Variants in ACP3 observed in about 807,000 individuals in gnomAD.
The protein encoded by ACP3 is prostatic acid phosphatase.
Under a neutral mutation model 45.6 loss-of-function variants are expected in ACP3, and 38 were observed. The observed-to-expected ratio is 0.83, with a 90% CI of 0.64 to 1.09. ACP3 has a LOEUF of 1.09. Among genes scored for constraint, ACP3 ranks in the 50% least tolerant of loss-of-function variants. ACP3 has a pLI of 0.00. For missense variants in ACP3, 466 were observed against 463.2 expected, an observed-to-expected ratio of 1.01 and a Z score of -0.05; for synonymous variants, 162 against 164.7, an observed-to-expected ratio of 0.98 and a Z score of 0.13.
intron 1 of ACP3, among the ~76,000 whole-genome samples, chr3:132,326,123 G>C (rs1396280570): frequency 2.6e-5 from 4 of 152,028 alleles, no homozygotes; most frequent in Non-Finnish European, 5.9e-5. Context: ...GCCTTTTTCA[G>C]TTGTCACAGC....
intron 9 of ACP3, among the ~76,000 whole-genome samples, chr3:132,354,966 T>C (rs1937846294): frequency 6.6e-6 from 1 of 152,246 alleles, no homozygotes; most frequent in South Asian, 2.1e-4. Context: ...TTGTCTTCTA[T>C]ATAGATGAAC....
At chr3:132,351,441 C>T (rs1366912639) in intron 8 of ACP3, among the ~76,000 whole-genome samples, 3 of 152,182 alleles carry the variant, frequency 2.0e-5, no homozygotes, top group Admixed American at 2.0e-4. Flanking sequence ...TCACTCACAT[C>T]TCCATGACAA....
chr3:132,358,713 G>A lies in ACP3; in HGVS notation c.*1835G>A. On this transcript the variant is annotated 3_prime_UTR_variant, in exon 10 of 10. Transcript: ENST00000336375. ...ATGCTTGTAACTGTCTTCTAGCAGT[G>A]AGCCAAATGTAAAATAGTGAATAAA... 1 of 1,001,414 alleles carries A rather than the reference G, an allele frequency of 1.0e-6. No homozygotes were observed. Among genetic ancestry groups the A allele is most frequent in the Non-Finnish European group, 1.2e-6 (1 of 838,436 alleles). 62.0% of individuals were successfully genotyped at this position (1,001,414 alleles called of 1,614,324 possible).
intron 8 of ACP3, among the ~76,000 whole-genome samples, chr3:132,351,204 G>T (rs570508594): frequency 2.0e-5 from 3 of 152,062 alleles, no homozygotes; most frequent in Non-Finnish European, 4.4e-5. Flanking sequence ...GGAAAGGGAA[G>T]AAGGACTGCA....
At chr3:132,362,380 G>A (rs913278519), downstream of ACP3, among the ~76,000 whole-genome samples, 6 of 152,038 alleles carry the variant, frequency 3.9e-5, no homozygotes, top group Non-Finnish European at 7.4e-5. Flanking sequence ...AGGATTGGTG[G>A]GTCAAGATAA....
chr3:132,351,126 G>A (rs58613858), intron 8 of ACP3, among the ~76,000 whole-genome samples: 72,325 of 151,944 alleles, frequency 0.48, 17,997 homozygotes, highest in Middle Eastern at 0.65. Flanking sequence ...TACTGATTAG[G>A]CAATGGGTTT....
chr3:132,330,730 G>A (rs1012627138), intron 2 of ACP3, among the ~76,000 whole-genome samples: 2 of 152,140 alleles, frequency 1.3e-5, no homozygotes, highest in African/African-American at 4.8e-5. Context: ...AGCAGCCACC[G>A]TAACAACCTC....
At chr3:132,355,319 A>G (rs968371227) in intron 9 of ACP3, among the ~76,000 whole-genome samples, 2 of 152,210 alleles carry the variant, frequency 1.3e-5, no homozygotes, top group African/African-American at 2.4e-5. Flanking sequence ...ATTCAATTCT[A>G]TGGAAAGAGA....
downstream of ACP3, among the ~76,000 whole-genome samples, chr3:132,361,031 C>T (rs528221667): frequency 2.6e-5 from 4 of 152,294 alleles, no homozygotes; most frequent in Non-Finnish European, 5.9e-5. Flanking sequence ...ATGAATGAGC[C>T]TCAAAAGTGA....
At chr3:132,328,707 C>G (rs970747113) in intron 2 of ACP3, among the ~76,000 whole-genome samples, 2 of 131,938 alleles carry the variant, frequency 1.5e-5, no homozygotes, top group Admixed American at 7.7e-5. Context: ...AAAAAAGATT[C>G]TTGATGAGTC....
rs754461064 is a variant in ACP3 at position 132,356,682 on chromosome 3, C to T, written c.969-4C>T. On this transcript the variant is annotated splice_polypyrimidine_tract_variant and splice_region_variant and intron_variant, in intron 9 of 9. Transcript: ENST00000336375. The stretch of plus-strand genomic sequence containing the variant: ...GAGCTCTCTCCTCTGCCTTTGTCTG[C>T]CAGGGAGTACTTTGTGGAGATGTAC... The T allele has an allele frequency of 1.2e-6, 2 of 1,613,760 alleles. No homozygotes were observed. The highest frequency in any genetic ancestry group is 1.7e-5 in the Admixed American group (1 of 59,992).
chr3:132,326,818 C>T (rs1180666573), intron 1 of ACP3, among the ~76,000 whole-genome samples: 1 of 152,120 alleles, frequency 6.6e-6, no homozygotes, highest in Non-Finnish European at 1.5e-5. Flanking sequence ...AGTACAGGTG[C>T]GGGTAACCTC....
At position 132,356,861 on chromosome 3, in the gene ACP3, G is replaced by A; in HGVS notation, c.1144G>A (p.Glu382Lys). 6.2e-7 allele frequency: 1 copy of A among 1,614,116 alleles called. No individual in the cohort carries two copies. Among genetic ancestry groups the A allele is most frequent in the Non-Finnish European group, 8.5e-7 (1 of 1,180,018 alleles). Residue 382 changes from glutamate to lysine, a missense_variant, in exon 10 of 10, where the codon GAA (glutamate) becomes AAA (lysine). Glu to Lys is a moderately conservative substitution (Grantham distance 56). Transcript: ENST00000336375. The stretch of plus-strand genomic sequence containing the variant: ...GACCACAAACAGCCATCAAGGTACT[G>A]AAGACAGTACAGATTAGTGTGCACA... Reference protein sequence around the residue: ...CMTTNSHQGTEDSTD With the variant: ...CMTTNSHQGTKDSTD
Position 132,357,832 on chromosome 3 carries a change from A to C in ACP3, c.*954A>C. 3 of 698,382 alleles carry C rather than the reference A, an allele frequency of 4.3e-6. No homozygotes were observed. Among genetic ancestry groups the C allele is most frequent in the Middle Eastern group, 7.2e-4 (1 of 1,380 alleles). 43.3% of individuals were successfully genotyped at this position (698,382 alleles called of 1,614,324 possible). A position where few individuals can be genotyped will look rare whatever the true frequency, so the allele number is the denominator to read the frequency against. On this transcript the variant is annotated 3_prime_UTR_variant, in exon 10 of 10. Transcript: ENST00000336375. ...GCAGATCACTTGAGCTCAGGAGGTC[A>C]AGATCAGCCTGGGCAACATGGTGAA...
intron 2 of ACP3, among the ~76,000 whole-genome samples, chr3:132,330,541 C>T (rs933699626): frequency 2.2e-4 from 34 of 152,264 alleles, no homozygotes; most frequent in African/African-American, 6.5e-4. Context: ...TTCATACAGA[C>T]GACTATTTAA....
chr3:132,359,469 C>G (rs1031202186), downstream of ACP3, among the ~76,000 whole-genome samples: 6 of 152,238 alleles, frequency 3.9e-5, no homozygotes, highest in East Asian at 1.2e-3. Context: ...GATCGCGCCA[C>G]TGCACTCCAG....
intron 1 of ACP3, among the ~76,000 whole-genome samples, chr3:132,323,691 T>G (rs535927922): frequency 3.9e-5 from 6 of 152,226 alleles, no homozygotes; most frequent in Middle Eastern, 6.8e-3. Flanking sequence ...GTATATTGGA[T>G]GTAACAGCAG....
intron 1 of ACP3, among the ~76,000 whole-genome samples, chr3:132,320,406 C>A (rs1937184484): frequency 6.6e-6 from 1 of 152,146 alleles, no homozygotes; most frequent in Non-Finnish European, 1.5e-5. Flanking sequence ...CACACACCCA[C>A]TTGAGTTTTT....
At chr3:132,348,767 C>A (rs947087881) in intron 7 of ACP3, among the ~76,000 whole-genome samples, 1 of 152,128 alleles carries the variant, frequency 6.6e-6, no homozygotes, top group Admixed American at 6.5e-5. Context: ...TTTCCAGTAT[C>A]TTATAGAAAG....
Sources: gnomAD v4.1 joint callset for allele counts (sites outside exome capture counted in the v4.1 genomes callset) on GRCh38, gnomAD v4.1.1 for gene constraint, MANE v1.5 for transcripts, NCBI Gene and HGNC (gene_info 2026-07-23, HGNC 2026-07-21) for gene names.